The following DNAH6 variants were observed in gnomAD, a reference collection of about 807,000 sequenced individuals.
The protein encoded by DNAH6 is dynein axonemal heavy chain 6.
Under a neutral mutation model 491.4 loss-of-function variants are expected in DNAH6, and 340 were observed. That is an observed-to-expected ratio of 0.69 (90% CI 0.63 to 0.76). DNAH6 has a LOEUF of 0.76. Ranked by LOEUF, DNAH6 falls within the 30% of genes least tolerant of loss-of-function variation. DNAH6 has a pLI of 0.00. For synonymous variants in DNAH6, 1,603 were observed against 1,686.1 expected (o/e 0.95, Z 1.21); for missense variants, 4,443 against 4,972.2 (o/e 0.89, Z 3.20).
In DNAH6 at chr2:84,624,478, A is replaced by T; in HGVS notation, c.4211A>T (p.Glu1404Val). 2 of 1,551,862 alleles carry T rather than the reference A, an allele frequency of 1.3e-6. No homozygotes were observed. Among genetic ancestry groups the T allele is most frequent in the Non-Finnish European group, 1.7e-6 (2 of 1,146,984 alleles). ...ELVQSKVETV[E>V]SFDWQRQLRY... ...TATCACATATAGGTGGAGACAGTTG[A>T]ATCTTTTGACTGGCAGAGACAACTG... is the stretch of plus-strand genomic sequence containing the variant. Residue 1404 changes from glutamate to valine, a missense_variant, in exon 28 of 77, where the codon GAA becomes GTA. Transcript: ENST00000389394.
intron 34 of DNAH6, among the ~76,000 whole-genome samples, chr2:84,654,394 A>C (rs1690748898): frequency 6.6e-6 from 1 of 152,088 alleles, no homozygotes; most frequent in Non-Finnish European, 1.5e-5. Context: ...AAAAGCAAAG[A>C]GAAGAAAGAA....
intron 17 of DNAH6, among the ~76,000 whole-genome samples, chr2:84,594,994 C>T (rs764809313): frequency 7.9e-5 from 12 of 152,074 alleles, no homozygotes; most frequent in Non-Finnish European, 1.6e-4. Flanking sequence ...TGAGAAGAAG[C>T]AGCTTAAAGG....
At chr2:84,496,778 A>G in the DNAH6 span, among the ~76,000 whole-genome samples, 6 of 152,204 alleles carry the variant, frequency 3.9e-5, no homozygotes, top group African/African-American at 9.7e-5. Context: ...ACACATTTAT[A>G]TACCCATGTA....
At chr2:84,769,972 C>T (rs1675456685) in intron 64 of DNAH6, among the ~76,000 whole-genome samples, 1 of 152,126 alleles carries the variant, frequency 6.6e-6, no homozygotes, top group Non-Finnish European at 1.5e-5. Flanking sequence ...TTCAGCTTGG[C>T]CCAACCAGGA....
rs963370639 is a variant in DNAH6 at position 84,813,973 on chromosome 2, A to G, written c.12001A>G (p.Thr4001Ala). Reference sequence around the variant, plus strand: ...CTTTCCGATTTTCACAATTACAGGAACTCTTCAAAATCATGCTCGAAAATA... The same window carrying G: ...CTTTCCGATTTTCACAATTACAGGAGCTCTTCAAAATCATGCTCGAAAATA... ...FFFPQGFLTGTLQNHARKYNL... is the reference protein window; with the variant it reads ...FFFPQGFLTGALQNHARKYNL... Residue 4001 changes from threonine (T) to alanine (A), a missense_variant and splice_region_variant, in exon 75 of 77, where the codon ACT becomes GCT. Coordinates refer to ENST00000389394, the MANE Select transcript of DNAH6 (RefSeq NM_001370.2). The G allele has an allele frequency of 2.6e-6, 4 of 1,551,354 alleles. No individual in the cohort carries two copies. Among genetic ancestry groups the G allele is most frequent in the African/African-American group, 1.4e-5 (1 of 72,938 alleles).
chr2:84,817,801 A>G (rs1488874451), intron 76 of DNAH6, among the ~76,000 whole-genome samples: 1 of 152,190 alleles, frequency 6.6e-6, no homozygotes, highest in East Asian at 1.9e-4. Flanking sequence ...TAGAGGTCCC[A>G]TGGCAAGAGA....
At chr2:84,767,976 A>C (rs761855900) in intron 64 of DNAH6, among the ~76,000 whole-genome samples, 1 of 152,160 alleles carries the variant, frequency 6.6e-6, no homozygotes, top group Non-Finnish European at 1.5e-5. Flanking sequence ...TGGAAGACAT[A>C]TATTCTACGT....
chr2:84,624,922 C>T lies in DNAH6; in HGVS notation c.4374C>T (p.Leu1458=). Residue 1458 remains leucine (L), a synonymous_variant, in exon 29 of 77, where the codon CTC becomes CTT. Coordinates refer to ENST00000389394, the MANE Select transcript of DNAH6 (RefSeq NM_001370.2). Reference sequence around the variant, plus strand: ...TTCAGGATCGCTGCTATCTTTGCCTCATGGGAGCTTTGCAGCTTGACCTTG... The same window carrying T: ...TTCAGGATCGCTGCTATCTTTGCCTTATGGGAGCTTTGCAGCTTGACCTTG... ...TPLTDRCYLC[L]MGALQLDLGG... is the part of the protein sequence containing the mutation. 1 of 1,550,750 alleles carries T rather than the reference C, an allele frequency of 6.4e-7. No individual in the cohort carries two copies. Among genetic ancestry groups the T allele is most frequent in the East Asian group, 2.4e-5 (1 of 40,908 alleles).
At position 84,705,750 on chromosome 2, in the gene DNAH6, A is replaced by G; in HGVS notation, c.8727+3A>G. On this transcript the variant is annotated splice_donor_region_variant and intron_variant, in intron 52 of 76. Coordinates refer to ENST00000389394, the MANE Select transcript of DNAH6 (RefSeq NM_001370.2). The stretch of plus-strand genomic sequence containing the variant: ...GACAAAAGCTCCGCGCCGCACAGGT[A>G]CATTTTCTGTATTGTGATATTTTAT... 6.5e-7 allele frequency: 1 copy of G among 1,540,298 alleles called. No homozygotes were observed. The highest frequency in any genetic ancestry group is 8.7e-7 in the Non-Finnish European group (1 of 1,142,902).
chr2:84,492,613 C>A, the DNAH6 span, among the ~76,000 whole-genome samples: 3 of 152,116 alleles, frequency 2.0e-5, no homozygotes, highest in East Asian at 5.8e-4. Context: ...TAAAGAAATT[C>A]TTTTAGTGGG....
intron 26 of DNAH6, among the ~76,000 whole-genome samples, chr2:84,623,860 C>T (rs577311397): frequency 6.6e-6 from 1 of 152,260 alleles, no homozygotes; most frequent in Admixed American, 6.5e-5. Context: ...GGAAAACCAC[C>T]CCTAAAACTG....
chr2:84,762,493 T>C (rs1399162328), intron 63 of DNAH6, among the ~76,000 whole-genome samples: 1 of 152,170 alleles, frequency 6.6e-6, no homozygotes, highest in African/African-American at 2.4e-5. Context: ...AGACAGCAGC[T>C]TCATAAATAG....
At chr2:84,685,132 G>A (rs1694145400) in intron 42 of DNAH6, among the ~76,000 whole-genome samples, 194 bp from the exon 43 acceptor site, 1 of 152,082 alleles carries the variant, frequency 6.6e-6, no homozygotes, top group Admixed American at 6.5e-5. Context: ...AAATGTTTTT[G>A]TCAAATAATG....
At chr2:84,674,059 C>T (rs1439893786) in intron 40 of DNAH6, among the ~76,000 whole-genome samples, 2 of 152,148 alleles carry the variant, frequency 1.3e-5, no homozygotes, top group African/African-American at 4.8e-5. Flanking sequence ...AAACCAACAC[C>T]CTTGACAAGA....
Position 84,796,445 on chromosome 2 carries a change from T to C in DNAH6, c.11359+20T>C. 6.7e-7 allele frequency: 1 copy of C among 1,487,762 alleles called. No individual in the cohort carries two copies. The highest frequency in any genetic ancestry group is 9.0e-7 in the Non-Finnish European group (1 of 1,113,398). 92.2% of individuals were successfully genotyped at this position (1,487,762 alleles called of 1,614,324 possible). Reference sequence around the variant, plus strand: ...AATCAGGTGAATGACTTTTCAATATTACAGAAAAGGCCTTTCCCAAGAAGA... The same window carrying C: ...AATCAGGTGAATGACTTTTCAATATCACAGAAAAGGCCTTTCCCAAGAAGA... On this transcript the variant is annotated intron_variant, in intron 69 of 76. Coordinates refer to ENST00000389394, the MANE Select transcript of DNAH6 (RefSeq NM_001370.2).
intron 63 of DNAH6, among the ~76,000 whole-genome samples, chr2:84,755,908 G>A (rs901855437): frequency 7.9e-5 from 12 of 152,144 alleles, no homozygotes; most frequent in African/African-American, 2.9e-4. Flanking sequence ...TGCTGTTCTC[G>A]TGACAGTGAA....
chr2:84,637,031 C>G lies in DNAH6; in HGVS notation c.4654-179C>G, dbSNP rs77370661. ...AGACAGAAATCAGGAAACACAGAGC[C>G]CAGAAGAGATTGGAAGTAGACAGGA... On this transcript the variant is annotated intron_variant, in intron 30 of 76. Transcript: ENST00000389394. Among the ~76,000 whole-genome samples, 4,703 of 152,166 alleles carry G rather than the reference C, an allele frequency of 0.031. 261 individuals are homozygous for G. Among genetic ancestry groups the G allele is most frequent in the African/African-American group, 0.11 (4,453 of 41,514 alleles).
chr2:84,793,940 C>T (rs951435967), intron 68 of DNAH6, among the ~76,000 whole-genome samples: 5 of 152,202 alleles, frequency 3.3e-5, no homozygotes, highest in African/African-American at 4.8e-5. Context: ...TACAAGGCTA[C>T]GGTAGTCAAA....
chr2:84,771,197 A>T (rs369345570), intron 64 of DNAH6, among the ~76,000 whole-genome samples: 1 of 152,058 alleles, frequency 6.6e-6, no homozygotes, highest in Admixed American at 6.6e-5. Flanking sequence ...CTGAGGCAGG[A>T]GAACCACTTG....
Sources: gnomAD v4.1 joint callset for allele counts (sites outside exome capture counted in the v4.1 genomes callset) on GRCh38, gnomAD v4.1.1 for gene constraint, MANE v1.5 for transcripts, NCBI Gene and HGNC (gene_info 2026-07-23, HGNC 2026-07-21) for gene names.